The following INTS9 variants were observed in gnomAD, a reference collection of about 807,000 sequenced individuals.
INTS9 encodes the protein integrator complex subunit 9.
INTS9 carries 55 observed loss-of-function variants against 79.7 expected under a neutral mutation model. The observed-to-expected ratio is 0.69, with a 90% CI of 0.56 to 0.86. The LOEUF (loss-of-function observed/expected upper bound fraction) is 0.86. INTS9 is among the 40% of genes least tolerant of loss of function. INTS9 has a pLI of 0.00. For synonymous variants in INTS9, 319 were observed against 325.2 expected (o/e 0.98, Z 0.20); for missense variants, 721 against 831.5 (o/e 0.87, Z 1.64).
At chr8:28,865,716 G>A (rs1385781432) in intron 1 of INTS9, among the ~76,000 whole-genome samples, 1 of 152,054 alleles carries the variant, frequency 6.6e-6, no homozygotes, top group Non-Finnish European at 1.5e-5. Flanking sequence ...TGTTGTTGGT[G>A]CTCTGATTTT....
intron 14 of INTS9, among the ~76,000 whole-genome samples, chr8:28,772,728 A>G (rs1166631153): frequency 1.3e-5 from 2 of 151,966 alleles, no homozygotes; most frequent in East Asian, 3.9e-4. Flanking sequence ...AATGGCGTGA[A>G]CTCAGGAGGT....
At chr8:28,888,289 T>C (rs1185849676) in intron 1 of INTS9, among the ~76,000 whole-genome samples, 1 of 152,198 alleles carries the variant, frequency 6.6e-6, no homozygotes, top group East Asian at 1.9e-4. Context: ...TGGTGGCTCA[T>C]GCCTGTAATT....
chr8:28,856,743 T>C (rs959687721), intron 2 of INTS9, among the ~76,000 whole-genome samples: 3 of 152,218 alleles, frequency 2.0e-5, no homozygotes, highest in East Asian at 1.9e-4. Flanking sequence ...TTTAGATTCA[T>C]AGGGTACATG....
chr8:28,841,235 G>T (rs1010347557), intron 4 of INTS9, among the ~76,000 whole-genome samples: 5 of 152,184 alleles, frequency 3.3e-5, no homozygotes, highest in African/African-American at 1.2e-4. Context: ...TTGCAAGACA[G>T]TGTCCTCCTC....
At chr8:28,889,852 T>G (rs1364870189) in intron 1 of INTS9, 22 bp downstream of exon 1, 3 of 1,613,830 alleles carry the variant, frequency 1.9e-6, no homozygotes, top group Admixed American at 3.3e-5. Context: ...CTTTGCCCTC[T>G]GACCTAGGAG....
intron 8 of INTS9, among the ~76,000 whole-genome samples, chr8:28,806,546 A>T (rs756461927): frequency 6.6e-6 from 1 of 152,226 alleles, no homozygotes; most frequent in Non-Finnish European, 1.5e-5. Context: ...ACATATAGAA[A>T]TATTTTACCC....
chr8:28,828,909 C>G (rs1806310122), intron 6 of INTS9, among the ~76,000 whole-genome samples: 1 of 152,144 alleles, frequency 6.6e-6, no homozygotes, highest in Non-Finnish European at 1.5e-5. Flanking sequence ...TCTTGAACTC[C>G]TGACCTCAGG....
chr8:28,837,510 C>T lies in INTS9; in HGVS notation c.401+127G>A, dbSNP rs931849971. 22 of 997,282 alleles carry T rather than the reference C, an allele frequency of 2.2e-5. No individual in the cohort carries two copies. In the African/African-American group the frequency reaches 3.4e-4, roughly 15 times the overall value. The allele number at this position is 997,282 out of a possible 1,614,324, so 61.8% of individuals were successfully genotyped here. The stretch of plus-strand genomic sequence containing the variant: ...TCATCTAGAGAGTCGCTTACTCCTG[C>T]CTGTTCTTTGGGTTAGTTGTTCAGA... On this transcript the variant is annotated intron_variant, in intron 5 of 16. Transcript: ENST00000521022.
intron 2 of INTS9, 108 bp from the exon 3 acceptor site, chr8:28,850,381 G>A: frequency 1.3e-6 from 1 of 749,380 alleles, no homozygotes; most frequent in Non-Finnish European, 2.2e-6. Flanking sequence ...TAAAATTACT[G>A]GCAGTAGTTC....
intron 16 of INTS9, among the ~76,000 whole-genome samples, chr8:28,769,345 C>T (rs774766492): frequency 4.6e-5 from 7 of 152,232 alleles, no homozygotes; most frequent in Admixed American, 1.3e-4. Context: ...AAAGTCATCT[C>T]TGAAGTCCTG....
At chr8:28,797,391 G>A (rs1804283484) in intron 8 of INTS9, among the ~76,000 whole-genome samples, 3 of 152,138 alleles carry the variant, frequency 2.0e-5, no homozygotes, top group South Asian at 4.1e-4. Flanking sequence ...CCAATTCCAT[G>A]ACCAGCCTCA....
intron 1 of INTS9, among the ~76,000 whole-genome samples, chr8:28,882,175 A>G (rs1809883435): frequency 7.0e-6 from 1 of 142,246 alleles, no homozygotes; most frequent in Admixed American, 7.2e-5. Flanking sequence ...GTGCTCTCTG[A>G]AACATGTGCT....
intron 11 of INTS9, among the ~76,000 whole-genome samples, chr8:28,787,574 G>A (rs953137532): frequency 1.3e-5 from 2 of 152,132 alleles, no homozygotes; most frequent in East Asian, 1.9e-4. Context: ...GTATATTCCC[G>A]AATCCCAAGT....
At chr8:28,818,537 T>C (rs1422636371) in intron 6 of INTS9, among the ~76,000 whole-genome samples, 1 of 152,240 alleles carries the variant, frequency 6.6e-6, no homozygotes, top group East Asian at 1.9e-4. Flanking sequence ...TTTGATGTGA[T>C]GCTGGATTCG....
chr8:28,816,973 T>C (rs1257572125), intron 6 of INTS9, among the ~76,000 whole-genome samples: 2 of 149,884 alleles, frequency 1.3e-5, no homozygotes, highest in South Asian at 2.1e-4. Flanking sequence ...TGTCTGTTCA[T>C]GTCCTTTGCC....
intron 5 of INTS9, among the ~76,000 whole-genome samples, chr8:28,836,977 T>A (rs544449853): frequency 6.6e-6 from 1 of 152,004 alleles, no homozygotes; most frequent in Admixed American, 6.6e-5. Context: ...AATTGACAAA[T>A]TTTTTTTTCT....
intron 2 of INTS9, among the ~76,000 whole-genome samples, chr8:28,854,155 T>C (rs1002163459): frequency 6.6e-6 from 1 of 152,228 alleles, no homozygotes; most frequent in South Asian, 2.1e-4. Flanking sequence ...CAGCTGGGAC[T>C]ACAGGTACAT....
rs941484725 is a variant in INTS9 at position 28,796,715 on chromosome 8, T to G, written c.745-60A>C. On this transcript the variant is annotated intron_variant, in intron 8 of 16. Coordinates refer to ENST00000521022, the MANE Select transcript of INTS9 (RefSeq NM_018250.4). Reference sequence around the variant, plus strand: ...TAAAAGGAACATTACCTACAAATAGTGAAAGAATACGAGAACACAGACATT... The same window carrying G: ...TAAAAGGAACATTACCTACAAATAGGGAAAGAATACGAGAACACAGACATT... The G allele has an allele frequency of 2.9e-6, 3 of 1,023,662 alleles. No individual in the cohort carries two copies. In the African/African-American group the frequency reaches 4.7e-5, roughly 16 times the overall value. 63.4% of individuals were successfully genotyped at this position (1,023,662 alleles called of 1,614,324 possible).
chr8:28,855,523 C>A (rs1808101903), intron 2 of INTS9, among the ~76,000 whole-genome samples: 1 of 152,092 alleles, frequency 6.6e-6, no homozygotes, highest in Admixed American at 6.5e-5. Context: ...TAGACAAACC[C>A]AAATTGAAAG....
Sources: allele counts gnomAD v4.1 joint callset (sites outside exome capture counted in the v4.1 genomes callset), GRCh38; gene constraint gnomAD v4.1.1; transcripts MANE v1.5; gene names NCBI Gene and HGNC (gene_info 2026-07-23, HGNC 2026-07-21).